Variants in PDE4D observed in about 807,000 individuals in gnomAD.
The protein encoded by PDE4D is 3',5'-cyclic-AMP phosphodiesterase 4D.
A neutral mutation model predicts 87.4 loss-of-function variants in PDE4D; 24 were observed. The observed-to-expected ratio is 0.27, with a 90% CI of 0.20 to 0.39. The LOEUF is 0.39. Ranked by LOEUF, PDE4D falls within the 10% of genes least tolerant of loss-of-function variation. The pLI, the probability that PDE4D is intolerant of heterozygous loss-of-function variation, is 1.00. For missense variants in PDE4D, 714 were observed against 1,041.0 expected (o/e 0.69, Z 4.32); for synonymous variants, 384 against 383.2 (o/e 1.00, Z -0.02).
chr5:59,843,588 A>G (rs1743377056), intron 1 of PDE4D, among the ~76,000 whole-genome samples: 1 of 152,096 alleles, frequency 6.6e-6, no homozygotes, highest in African/African-American at 2.4e-5. Flanking sequence ...GGTTCTCAAA[A>G]AACTCTTTCC....
intron 1 of PDE4D, among the ~76,000 whole-genome samples, chr5:60,326,317 C>A (rs1352864906): frequency 1.3e-5 from 2 of 152,094 alleles, no homozygotes; most frequent in Non-Finnish European, 2.9e-5. Context: ...TTCTCCACAA[C>A]CTTGCAAGCA....
At chr5:59,072,009 G>C (rs1764923910) in intron 5 of PDE4D, among the ~76,000 whole-genome samples, 1 of 151,710 alleles carries the variant, frequency 6.6e-6, no homozygotes, top group Non-Finnish European at 1.5e-5. Flanking sequence ...CTTTGAAGTT[G>C]GTCTTTTTCC....
intron 2 of PDE4D, among the ~76,000 whole-genome samples, chr5:60,010,162 C>G (rs184400486): frequency 6.6e-6 from 1 of 152,196 alleles, no homozygotes; most frequent in Admixed American, 6.5e-5. Flanking sequence ...ATTAGAATAA[C>G]TCAATCCCAT....
At chr5:59,684,041 C>T (rs1749461328) in intron 1 of PDE4D, among the ~76,000 whole-genome samples, 1 of 152,152 alleles carries the variant, frequency 6.6e-6, no homozygotes, top group Non-Finnish European at 1.5e-5. Flanking sequence ...GCAAGGCTCT[C>T]TGTACTACAA....
At chr5:60,277,717 C>A (rs1751513045) in intron 1 of PDE4D, among the ~76,000 whole-genome samples, 1 of 152,066 alleles carries the variant, frequency 6.6e-6, no homozygotes, top group African/African-American at 2.4e-5. Flanking sequence ...GGGCTTAACT[C>A]TACTGTTTTA....
intron 1 of PDE4D, among the ~76,000 whole-genome samples, chr5:59,599,562 C>T (rs1167298858): frequency 6.6e-6 from 1 of 152,072 alleles, no homozygotes; most frequent in African/African-American, 2.4e-5. Context: ...TTATAAAGAA[C>T]ATCTTATGAC....
intron 1 of PDE4D, among the ~76,000 whole-genome samples, chr5:59,574,104 TTATATATATATATAAATATATATTTA>T (rs1358445887): frequency 0.033 from 168 of 5,162 alleles, no homozygotes; most frequent in Middle Eastern, 0.12. Flanking sequence ...AAATATATAT[TTATATATATATATAAATATATATTTA>T]TATATATATA....
intron 2 of PDE4D, among the ~76,000 whole-genome samples, chr5:60,028,971 T>A: frequency 6.6e-6 from 1 of 152,262 alleles, no homozygotes; most frequent in African/African-American, 2.4e-5. Context: ...TTTTAGCATA[T>A]TGAGCTCACT....
Position 60,167,575 on chromosome 5 carries a change from C to T in PDE4D, c.42+17982G>A, listed in dbSNP as rs1414938848. Among the ~76,000 whole-genome samples the T allele has an allele frequency of 2.0e-5, 3 of 152,234 alleles. 1 individual carries two copies. Among genetic ancestry groups the T allele is most frequent in the African/African-American group, 7.2e-5 (3 of 41,554 alleles). On this transcript the variant is annotated intron_variant, in intron 2 of 16. Transcript: ENST00000502484. ...GTGTTTAAGTTTACAGATTCTTTTT[C>T]TGCTTGATCAAGTCTGCTGTTGATG...
intron 1 of PDE4D, among the ~76,000 whole-genome samples, chr5:59,639,670 T>C (rs921163017): frequency 1.3e-5 from 2 of 152,130 alleles, no homozygotes; most frequent in South Asian, 2.1e-4. Context: ...GGCATCCTAG[T>C]AGAAATGGTC....
chr5:59,408,228 C>T (rs75190255), intron 1 of PDE4D, among the ~76,000 whole-genome samples: 6,458 of 152,312 alleles, frequency 0.042, 237 homozygotes, highest in South Asian at 0.18. Context: ...CTCCTTGCAT[C>T]ATGGTCCATC....
At chr5:60,430,706 C>G (rs367830615) in intron 1 of PDE4D, 33 of 267,552 alleles carry the variant, frequency 1.2e-4, no homozygotes, top group Admixed American at 1.0e-3. Context: ...GCAGTGTTTG[C>G]GTCCCTGGGT....
chr5:59,299,541 C>G (rs1769761134), intron 1 of PDE4D, among the ~76,000 whole-genome samples: 1 of 152,144 alleles, frequency 6.6e-6, no homozygotes, highest in African/African-American at 2.4e-5. Context: ...CATGTCTCTT[C>G]CATTATTTTG....
At chr5:60,289,275 C>T (rs1752685873) in intron 1 of PDE4D, among the ~76,000 whole-genome samples, 1 of 151,994 alleles carries the variant, frequency 6.6e-6, no homozygotes, top group Non-Finnish European at 1.5e-5. Context: ...AATATCACCC[C>T]CCTCAAAAAA....
At chr5:59,970,784 T>C in intron 3 of PDE4D, among the ~76,000 whole-genome samples, 1 of 147,686 alleles carries the variant, frequency 6.8e-6, no homozygotes, top group Non-Finnish European at 1.5e-5. Flanking sequence ...TCAACCATTG[T>C]GGAAGTCAGT....
chr5:59,744,648 A>G (rs929492633), intron 1 of PDE4D, among the ~76,000 whole-genome samples: 4 of 152,190 alleles, frequency 2.6e-5, no homozygotes, highest in African/African-American at 9.6e-5. Context: ...AGCATGTGTC[A>G]TTGAGAATCC....
At chr5:59,746,768 A>C (rs1417218683) in intron 1 of PDE4D, among the ~76,000 whole-genome samples, 1 of 152,094 alleles carries the variant, frequency 6.6e-6, no homozygotes, top group Non-Finnish European at 1.5e-5. Flanking sequence ...CCCACCGAGA[A>C]TACGGATTTA....
At chr5:59,256,977 C>T (rs142836130) in intron 1 of PDE4D, among the ~76,000 whole-genome samples, 1 of 151,892 alleles carries the variant, frequency 6.6e-6, no homozygotes, top group African/African-American at 2.4e-5. Context: ...AACTGCAGAA[C>T]AATGAATGTG....
intron 2 of PDE4D, among the ~76,000 whole-genome samples, chr5:60,007,799 T>A (rs913009981): frequency 6.6e-6 from 1 of 152,034 alleles, no homozygotes; most frequent in African/African-American, 2.4e-5. Context: ...TTATGAAATC[T>A]ACAAATATTT....
Sources: gnomAD v4.1 joint callset for allele counts (sites outside exome capture counted in the v4.1 genomes callset) on GRCh38, gnomAD v4.1.1 for gene constraint, MANE v1.5 for transcripts, NCBI Gene and HGNC (gene_info 2026-07-23, HGNC 2026-07-21) for gene names.